The following GPC5 variants were observed in gnomAD, a reference collection of about 807,000 sequenced individuals.
GPC5 encodes glypican-5.
GPC5 carries 47 observed loss-of-function variants against 53.9 expected under a neutral mutation model. The ratio of observed to expected loss-of-function variants is 0.87; its 90% CI spans 0.69 to 1.11. The LOEUF is 1.11. GPC5 is among the 50% of genes most tolerant of loss of function. GPC5 has a pLI of 0.00. For missense variants in GPC5, 748 were observed against 713.1 expected (o/e 1.05, Z -0.56); for synonymous variants, 286 against 263.3 (o/e 1.09, Z -0.84).
intron 7 of GPC5, among the ~76,000 whole-genome samples, chr13:92,238,357 T>G (rs2042585433): frequency 6.6e-6 from 1 of 152,006 alleles, no homozygotes; most frequent in Non-Finnish European, 1.5e-5. Context: ...TCACCAATAC[T>G]TATCAATACT....
At chr13:91,571,765 A>ATATATACACACATATACGTGTGTG (rs1566515027) in intron 2 of GPC5, among the ~76,000 whole-genome samples, 1 of 67,694 alleles carries the variant, frequency 1.5e-5, no homozygotes, top group African/African-American at 1.7e-4. Flanking sequence ...ATACATGTGT[A>ATATATACACACATATACGTGTGTG]TGTGTATATA....
intron 7 of GPC5, among the ~76,000 whole-genome samples, chr13:92,350,711 G>A (rs1410650725): frequency 3.3e-5 from 5 of 152,252 alleles, no homozygotes; most frequent in Admixed American, 6.5e-5. Context: ...ATGTGTTTGA[G>A]AGCATAAGTA....
chr13:92,727,462 C>A (rs776304405), intron 7 of GPC5, among the ~76,000 whole-genome samples: 6 of 151,332 alleles, frequency 4.0e-5, no homozygotes, highest in Non-Finnish European at 7.4e-5. Flanking sequence ...TTTCCTTTGC[C>A]TCATCACAGA....
chr13:92,271,348 G>T (rs925908911), intron 7 of GPC5, among the ~76,000 whole-genome samples: 1 of 152,124 alleles, frequency 6.6e-6, no homozygotes, highest in Admixed American at 6.5e-5. Context: ...TATTTTCCCA[G>T]GGATCATGAT....
chr13:92,313,556 T>G (rs1047691060), intron 7 of GPC5, among the ~76,000 whole-genome samples: 1 of 152,242 alleles, frequency 6.6e-6, no homozygotes, highest in Non-Finnish European at 1.5e-5. Context: ...TTTTTGCTGA[T>G]TGTGCCAGAA....
At chr13:91,947,799 C>T (rs9523454) in intron 6 of GPC5, among the ~76,000 whole-genome samples, 65,307 of 152,028 alleles carry the variant, frequency 0.43, 15,948 homozygotes, top group East Asian at 0.74. Context: ...GCAGAGTTTC[C>T]CGTCCCCCCA....
At chr13:92,187,470 T>C (rs1301892940) in intron 7 of GPC5, among the ~76,000 whole-genome samples, 1 of 152,178 alleles carries the variant, frequency 6.6e-6, no homozygotes, top group African/African-American at 2.4e-5. Context: ...ATAGGGTGAA[T>C]GAAGTCAATG....
intron 2 of GPC5, among the ~76,000 whole-genome samples, chr13:91,499,455 C>G (rs1156272988): frequency 2.0e-5 from 3 of 152,172 alleles, no homozygotes; most frequent in Admixed American, 6.5e-5. Flanking sequence ...TCCTAATTCT[C>G]CAAATACATC....
At chr13:91,789,312 G>T (rs1391908755) in intron 5 of GPC5, among the ~76,000 whole-genome samples, 1 of 152,138 alleles carries the variant, frequency 6.6e-6, no homozygotes, top group Non-Finnish European at 1.5e-5. Context: ...GTACTTTAAT[G>T]CTTTCTAATT....
chr13:92,774,223 C>A (rs1030922530), intron 7 of GPC5, among the ~76,000 whole-genome samples: 1 of 152,186 alleles, frequency 6.6e-6, no homozygotes, highest in African/African-American at 2.4e-5. Context: ...CTTTTTCCAG[C>A]CATATCTTCT....
intron 5 of GPC5, among the ~76,000 whole-genome samples, chr13:91,786,123 A>G (rs541115054): frequency 6.6e-6 from 1 of 152,188 alleles, no homozygotes; most frequent in East Asian, 1.9e-4. Flanking sequence ...CAGCCTCCTG[A>G]GTAGCTGGGA....
chr13:91,994,027 A>C (rs957197927), intron 6 of GPC5, among the ~76,000 whole-genome samples: 18 of 152,226 alleles, frequency 1.2e-4, no homozygotes, highest in African/African-American at 4.3e-4. Context: ...TGTTTTTTAC[A>C]CAGAAACCAG....
At chr13:92,680,430 T>C (rs1887076991) in intron 7 of GPC5, among the ~76,000 whole-genome samples, 1 of 152,206 alleles carries the variant, frequency 6.6e-6, no homozygotes, top group South Asian at 2.1e-4. Flanking sequence ...TTTATAGTTA[T>C]ACATAGATGT....
At chr13:92,854,203 G>T (rs186307894) in intron 7 of GPC5, among the ~76,000 whole-genome samples, 2 of 147,282 alleles carry the variant, frequency 1.4e-5, no homozygotes, top group African/African-American at 2.5e-5. Context: ...ATGGTATAGA[G>T]ATATATATAT....
At chr13:91,881,594 A>G (rs570726763) in intron 5 of GPC5, among the ~76,000 whole-genome samples, 1 of 152,142 alleles carries the variant, frequency 6.6e-6, no homozygotes, top group African/African-American at 2.4e-5. Flanking sequence ...ACATCTATCT[A>G]TCTACCCACC....
chr13:91,623,781 A>G (rs1000261972), intron 2 of GPC5, among the ~76,000 whole-genome samples: 5 of 152,230 alleles, frequency 3.3e-5, no homozygotes, highest in African/African-American at 4.8e-5. Flanking sequence ...GTTATATAAC[A>G]AGTTGATAAT....
At chr13:92,811,431 A>G (rs1342325479) in intron 7 of GPC5, among the ~76,000 whole-genome samples, 6 of 151,846 alleles carry the variant, frequency 4.0e-5, no homozygotes, top group Non-Finnish European at 8.8e-5. Context: ...ATTTTTTTGA[A>G]AAAACATTCT....
chr13:91,434,358 C>T (rs1879742092), intron 1 of GPC5, among the ~76,000 whole-genome samples: 1 of 151,962 alleles, frequency 6.6e-6, no homozygotes, highest in East Asian at 1.9e-4. Flanking sequence ...GTCTTTAATC[C>T]ATCTTGAATT....
At chr13:91,949,734 A>G (rs2139057363) in intron 6 of GPC5, among the ~76,000 whole-genome samples, 1 of 152,356 alleles carries the variant, frequency 6.6e-6, no homozygotes, top group East Asian at 1.9e-4. Context: ...TACAAAAGCA[A>G]AAAATCAGAG....
Sources: allele counts gnomAD v4.1 joint callset (sites outside exome capture counted in the v4.1 genomes callset), GRCh38; gene constraint gnomAD v4.1.1; transcripts MANE v1.5; gene names NCBI Gene and HGNC (gene_info 2026-07-23, HGNC 2026-07-21).